PATJ: variants seen among roughly 807,000 people sequenced by gnomAD.
PATJ encodes the protein PATJ crumbs cell polarity complex component.
In PATJ, 190 loss-of-function variants were observed where a neutral mutation model predicts 224.9. That is an observed-to-expected ratio of 0.84 (90% confidence interval 0.75 to 0.95). The LOEUF (loss-of-function observed/expected upper bound fraction) is 0.95. Among genes scored for constraint, PATJ ranks in the 40% least tolerant of loss-of-function variants. The pLI, the probability that PATJ is intolerant of heterozygous loss-of-function variation, is 0.00. For missense variants in PATJ, 2,121 were observed against 2,270.3 expected, an observed-to-expected ratio of 0.93 and a Z score of 1.34; for synonymous variants, 769 against 820.3, an observed-to-expected ratio of 0.94 and a Z score of 1.07.
chr1:62,087,306 C>T (rs1428185354), intron 33 of PATJ, among the ~76,000 whole-genome samples: 3 of 151,970 alleles, frequency 2.0e-5, no homozygotes, highest in Non-Finnish European at 4.4e-5. Context: ...CCTCTAAAGT[C>T]AAGTTGCTTC....
intron 27 of PATJ, among the ~76,000 whole-genome samples, chr1:61,980,645 A>G (rs1209455955): frequency 6.6e-6 from 1 of 152,068 alleles, no homozygotes; most frequent in African/African-American, 2.4e-5. Flanking sequence ...TAAGAAAACC[A>G]TTCTCTATAC....
At chr1:61,777,017 A>G (rs577302661) in intron 7 of PATJ, among the ~76,000 whole-genome samples, 3,844 of 152,014 alleles carry the variant, frequency 0.025, 81 homozygotes, top group South Asian at 0.088. Flanking sequence ...GAGCCACCGC[A>G]CCCAGCCAAA....
chr1:61,853,909 A>G (rs1663230131), intron 17 of PATJ, among the ~76,000 whole-genome samples: 2 of 152,142 alleles, frequency 1.3e-5, no homozygotes, highest in Non-Finnish European at 2.9e-5. Flanking sequence ...CTGTAAGAAA[A>G]TTTTGAAGAG....
intron 30 of PATJ, among the ~76,000 whole-genome samples, chr1:62,049,807 G>A (rs779781659): frequency 1.3e-5 from 2 of 152,192 alleles, no homozygotes; most frequent in African/African-American, 4.8e-5. Context: ...AGTTCCATCA[G>A]TGTTAGGTGG....
At chr1:61,948,212 T>C (rs1679058953) in intron 27 of PATJ, among the ~76,000 whole-genome samples, 1 of 152,114 alleles carries the variant, frequency 6.6e-6, no homozygotes, top group South Asian at 2.1e-4. Flanking sequence ...AATTGACAAA[T>C]GGGATCTCAT....
intron 28 of PATJ, among the ~76,000 whole-genome samples, 165 bp from the exon 29 acceptor site, chr1:62,017,691 C>T (rs983414982): frequency 1.0e-4 from 14 of 138,502 alleles, no homozygotes; most frequent in African/African-American, 3.5e-4. Context: ...AAGATTGCAC[C>T]ATTGCACTCC....
At chr1:61,889,988 T>C (rs538809632) in intron 22 of PATJ, among the ~76,000 whole-genome samples, 2 of 152,202 alleles carry the variant, frequency 1.3e-5, no homozygotes, top group African/African-American at 2.4e-5. Context: ...TCGGTTATTT[T>C]TGGCTGTTTA....
At chr1:61,970,360 G>A (rs995259756) in intron 27 of PATJ, among the ~76,000 whole-genome samples, 3 of 151,136 alleles carry the variant, frequency 2.0e-5, no homozygotes, top group South Asian at 2.1e-4. Context: ...TGTTATATTC[G>A]ACAAACCTAC....
intron 28 of PATJ, among the ~76,000 whole-genome samples, chr1:62,001,283 G>T (rs1393395615): frequency 6.6e-6 from 1 of 151,494 alleles, no homozygotes; most frequent in Non-Finnish European, 1.5e-5. Flanking sequence ...GTCCTGAATG[G>T]TAATGCCTAG....
At chr1:61,914,564 C>T (rs748450276) in intron 25 of PATJ, 23 bp from the exon 26 acceptor site, 1 of 1,168,446 alleles carries the variant, frequency 8.6e-7, no homozygotes, top group South Asian at 1.4e-5. Flanking sequence ...TTCTTCCCCC[C>T]ACCCCTTTTT....
At chr1:62,159,612 G>A (rs1164830776) in intron 43 of PATJ, among the ~76,000 whole-genome samples, 1 of 147,416 alleles carries the variant, frequency 6.8e-6, no homozygotes, top group African/African-American at 2.5e-5. Context: ...AGTCTGGAGT[G>A]CAGTGGCACT....
intron 25 of PATJ, among the ~76,000 whole-genome samples, chr1:61,910,788 C>T (rs1672522341): frequency 1.3e-5 from 2 of 151,784 alleles, no homozygotes; most frequent in Non-Finnish European, 2.9e-5. Context: ...CTCAAGTAAT[C>T]CTCCTGCCTT....
chr1:62,027,359 C>T (rs1012509839), intron 29 of PATJ, among the ~76,000 whole-genome samples: 1 of 152,196 alleles, frequency 6.6e-6, no homozygotes, highest in Non-Finnish European at 1.5e-5. Flanking sequence ...TTTATCCACG[C>T]ATCCATTGAT....
chr1:62,096,270 T>G (rs1331674423), intron 33 of PATJ, among the ~76,000 whole-genome samples: 3 of 152,180 alleles, frequency 2.0e-5, no homozygotes, highest in Non-Finnish European at 4.4e-5. Context: ...TCTACCACTG[T>G]ACATTTGAGA....
intron 30 of PATJ, among the ~76,000 whole-genome samples, chr1:62,047,831 C>T (rs926841005): frequency 8.7e-4 from 133 of 152,126 alleles, no homozygotes; most frequent in African/African-American, 3.1e-3. Flanking sequence ...ATCCAAAATT[C>T]ACTGAGAAGA....
rs1669959325 is a variant in PATJ, at chr1:62,163,172, A to G, written c.*2118A>G. ...ACTCTTGTTGGAATATTTTATGGCT[A>G]TTCCAAAGTATAGAGTGCCTAAATT... On this transcript the variant is annotated 3_prime_UTR_variant, in exon 44 of 44. Transcript: ENST00000642238. The G allele has an allele frequency of 6.3e-6, 1 of 158,956 alleles. No individual in the cohort carries two copies. Among genetic ancestry groups the G allele is most frequent in the South Asian group, 1.6e-4 (1 of 6,422 alleles). 9.8% of individuals were successfully genotyped at this position (158,956 alleles called of 1,614,324 possible). A position where few individuals can be genotyped will look rare whatever the true frequency, so the allele number is the denominator to read the frequency against.
chr1:61,952,253 T>TGAGAGAGAGAGAGA (rs111315851), intron 27 of PATJ: 6 of 475,082 alleles, frequency 1.3e-5, no homozygotes, highest in East Asian at 6.4e-5. Context: ...GAACAAAATC[T>TGAGAGAGAGAGAGA]GAGAGAGAGA....
chr1:62,157,143 G>A (rs1302628807), intron 43 of PATJ, among the ~76,000 whole-genome samples: 1 of 151,746 alleles, frequency 6.6e-6, no homozygotes, highest in Admixed American at 6.6e-5. Context: ...GGCCAACATG[G>A]TGAAACCCAG....
At chr1:62,150,824 T>G (rs1247836713) in intron 42 of PATJ, among the ~76,000 whole-genome samples, 1 of 135,614 alleles carries the variant, frequency 7.4e-6, no homozygotes, top group Non-Finnish European at 1.6e-5. Context: ...TATAAAAAAA[T>G]GTAAAGACAA....
Sources: gnomAD v4.1 joint callset for allele counts (sites outside exome capture counted in the v4.1 genomes callset) on GRCh38, gnomAD v4.1.1 for gene constraint, MANE v1.5 for transcripts, NCBI Gene and HGNC (gene_info 2026-07-23, HGNC 2026-07-21) for gene names.